Variants in BRCA1 observed in about 807,000 individuals in gnomAD.
BRCA1 encodes breast cancer type 1 susceptibility protein.
Under a neutral mutation model 173.7 loss-of-function variants are expected in BRCA1, and 140 were observed. The ratio of observed to expected loss-of-function variants is 0.81; its 90% CI spans 0.70 to 0.93. The LOEUF is 0.93. BRCA1 is among the 40% of genes least tolerant of loss of function. The pLI, the probability that BRCA1 is intolerant of heterozygous loss-of-function variation, is 0.00. For missense variants in BRCA1, 1,983 were observed against 2,172.5 expected (o/e 0.91, Z 1.73); for synonymous variants, 662 against 756.0 (o/e 0.88, Z 2.04).
chr17:43,144,901 C>A, intron 1 of BRCA1: 1 of 553,800 alleles, frequency 1.8e-6, no homozygotes. Context: ...TTCGCGAAGG[C>A]TGTAGGCACA....
At chr17:43,051,638 C>CG (rs1393222301) in intron 19 of BRCA1, among the ~76,000 whole-genome samples, 3 of 141,114 alleles carry the variant, frequency 2.1e-5, no homozygotes, top group Non-Finnish European at 4.7e-5. Flanking sequence ...TCTCCTCTGA[C>CG]TTTTTTTTTT....
In BRCA1 at chr17:43,115,718, A is replaced by C. The variant is rs2055241049; in HGVS notation, c.134+8T>G. On this transcript the variant is annotated splice_region_variant and intron_variant, in intron 3 of 22. Transcript: ENST00000357654. ...AATAATGGAGCCACATAACACATTC[A>C]AACTTACTTGCAAAATATGTGGTCA... 6.2e-7 allele frequency: 1 copy of C among 1,612,902 alleles called. No individual in the cohort carries two copies. Among genetic ancestry groups the C allele is most frequent in the Non-Finnish European group, 8.5e-7 (1 of 1,179,282 alleles).
At chr17:43,099,302 C>T (rs1176902615) in intron 7 of BRCA1, among the ~76,000 whole-genome samples, 12 of 149,948 alleles carry the variant, frequency 8.0e-5, no homozygotes, top group African/African-American at 1.5e-4. Context: ...TGGAGTTTCG[C>T]TATTTTTGCC....
At chr17:43,119,031 G>C (rs1308635439) in intron 2 of BRCA1, 2 of 216,876 alleles carry the variant, frequency 9.2e-6, no homozygotes, top group African/African-American at 4.5e-5. Context: ...CGGGATTACA[G>C]GCGTGAGCCA....
intron 1 of BRCA1, among the ~76,000 whole-genome samples, chr17:43,130,828 AT>A: frequency 6.6e-6 from 1 of 152,286 alleles, no homozygotes; most frequent in Non-Finnish European, 1.5e-5. Flanking sequence ...AAGTCTTCCC[AT>A]TTTTTGTGCT....
At chr17:43,055,311 C>G (rs1203085233) in intron 19 of BRCA1, among the ~76,000 whole-genome samples, 1 of 152,154 alleles carries the variant, frequency 6.6e-6, no homozygotes, top group African/African-American at 2.4e-5. Context: ...CTCCGTGAAG[C>G]CTTCAACAAC....
At chr17:43,118,816 T>A (rs987633090) in intron 2 of BRCA1, among the ~76,000 whole-genome samples, 2 of 148,940 alleles carry the variant, frequency 1.3e-5, no homozygotes, top group East Asian at 4.0e-4. Flanking sequence ...CAGGCTGGAG[T>A]GCAGTGGTGT....
rs978690648 is a variant in BRCA1 at position 43,094,541 on chromosome 17, A to G, written c.990T>C (p.Asp330=). 3.1e-6 allele frequency: 5 copies of G among 1,614,092 alleles called. No individual in the cohort carries two copies. Among genetic ancestry groups the G allele is most frequent in the Admixed American group, 1.7e-5 (1 of 60,020 alleles). ...RWAGSKETCN[D]RRTPSTEKKV... is the part of the protein sequence containing the mutation. The stretch of plus-strand genomic sequence containing the variant: ...TTTTTTCTGTGCTGGGAGTCCGCCT[A>G]TCATTACATGTTTCCTTACTTCCAG... The change falls in exon 10 of 23, where the codon GAT becomes GAC. Residue 330 remains aspartate (D), a synonymous_variant. Transcript: ENST00000357654.
At chr17:43,094,982 A>C in intron 9 of BRCA1, 122 bp from the exon 10 acceptor site, 4 of 821,084 alleles carry the variant, frequency 4.9e-6, no homozygotes. Flanking sequence ...CTAACCTCAT[A>C]AACTACCAAG....
upstream of BRCA1, among the ~76,000 whole-genome samples, chr17:43,126,582 A>G (rs1489635067): frequency 6.6e-6 from 1 of 152,216 alleles, no homozygotes; most frequent in African/African-American, 2.4e-5. Flanking sequence ...TAATCGTTTT[A>G]GTGACAGGAT....
chr17:43,105,393 C>A (rs772186923), intron 4 of BRCA1, among the ~76,000 whole-genome samples: 8 of 152,128 alleles, frequency 5.3e-5, no homozygotes, highest in Non-Finnish European at 8.8e-5. Context: ...GCATATGCCA[C>A]CATGTACATT....
chr17:43,114,132 A>G (rs1162815873), intron 3 of BRCA1, among the ~76,000 whole-genome samples: 1 of 151,550 alleles, frequency 6.6e-6, no homozygotes, highest in East Asian at 1.9e-4. Context: ...CAGTGGTGTG[A>G]TCATAGCTCA....
At chr17:43,129,816 C>T (rs1468211098), upstream of BRCA1, among the ~76,000 whole-genome samples, 2 of 152,124 alleles carry the variant, frequency 1.3e-5, no homozygotes, top group African/African-American at 2.4e-5. Context: ...TCAGAATATC[C>T]GCTTTTGGCA....
intron 11 of BRCA1, among the ~76,000 whole-genome samples, chr17:43,086,351 ATAAG>A (rs1213813349): frequency 6.6e-6 from 1 of 152,232 alleles, no homozygotes; most frequent in Non-Finnish European, 1.5e-5. Flanking sequence ...AAATTAATAA[ATAAG>A]TATAGTTAAT....
chr17:43,091,117 G>GAAAGTAAATCCAGTCCTGCCA, intron 10 of BRCA1, 85 bp from the exon 11 acceptor site: 1 of 1,257,020 alleles, frequency 8.0e-7, no homozygotes, highest in Non-Finnish European at 1.1e-6. Context: ...TCATTGGCAG[G>GAAAGTAAATCCAGTCCTGCCA]ACTGGATTTA....
intron 3 of BRCA1, 46 bp from the exon 4 acceptor site, chr17:43,106,579 T>C (rs2054801752): frequency 7.1e-7 from 1 of 1,409,306 alleles, no homozygotes; most frequent in Admixed American, 1.7e-5. Context: ...TACTTCCTTT[T>C]GTAGAAAGAA....
intron 2 of BRCA1, among the ~76,000 whole-genome samples, chr17:43,122,319 G>T (rs1053383525): frequency 6.6e-6 from 1 of 152,068 alleles, no homozygotes; most frequent in African/African-American, 2.4e-5. Flanking sequence ...AAAAATTAAA[G>T]AACTAATTTA....
chr17:43,138,472 G>A, intron 1 of BRCA1: 1 of 608,130 alleles, frequency 1.6e-6, no homozygotes, highest in African/African-American at 1.8e-5. Context: ...TCCACCATGT[G>A]ACTCCACCGT....
intron 4 of BRCA1, among the ~76,000 whole-genome samples, chr17:43,105,942 C>T (rs8176131): frequency 5.9e-5 from 9 of 151,898 alleles, no homozygotes; most frequent in Admixed American, 1.3e-4. Flanking sequence ...GCCTGGGCAA[C>T]ATGGTAAAAC....
Sources: gnomAD v4.1 joint callset for allele counts (sites outside exome capture counted in the v4.1 genomes callset) on GRCh38, gnomAD v4.1.1 for gene constraint, MANE v1.5 for transcripts, NCBI Gene and HGNC (gene_info 2026-07-23, HGNC 2026-07-21) for gene names.